Variants in VAV1 observed in about 807,000 individuals in gnomAD.
The protein encoded by VAV1 is proto-oncogene vav.
In VAV1, 33 loss-of-function variants were observed where a neutral mutation model predicts 128.1. That is an observed-to-expected ratio of 0.26 (90% CI 0.20 to 0.34). The LOEUF (loss-of-function observed/expected upper bound fraction) is 0.34. Ranked by LOEUF, VAV1 falls within the 10% of genes least tolerant of loss-of-function variation. The pLI is 1.00. For missense variants in VAV1, 715 were observed against 1,093.7 expected, an observed-to-expected ratio of 0.65 and a Z score of 4.88; for synonymous variants, 394 against 409.8, an observed-to-expected ratio of 0.96 and a Z score of 0.47.
chr19:6,825,434 T>C, intron 8 of VAV1, 28 bp downstream of exon 8: 1 of 1,587,628 alleles, frequency 6.3e-7, no homozygotes, highest in Non-Finnish European at 8.6e-7. Context: ...AGACTGAAGC[T>C]CTGGGGTCAC....
intron 9 of VAV1, among the ~76,000 whole-genome samples, chr19:6,827,767 T>TTTC (rs1971954440): frequency 6.6e-6 from 1 of 150,540 alleles, no homozygotes; most frequent in Admixed American, 6.6e-5. Context: ...CCAGCTATTT[T>TTTC]TTTTTTTTTC....
chr19:6,773,098 A>G (rs147731100), intron 1 of VAV1, 87 bp downstream of exon 1: 3 of 1,528,350 alleles, frequency 2.0e-6, no homozygotes, highest in Non-Finnish European at 2.7e-6. Flanking sequence ...GTGCTGCTCC[A>G]CCTCTGGGCC....
intron 1 of VAV1, among the ~76,000 whole-genome samples, chr19:6,815,342 G>A (rs139589881): frequency 1.1e-3 from 162 of 152,036 alleles, no homozygotes; most frequent in African/African-American, 3.1e-3. Context: ...GTGTCTCTCC[G>A]TGTTGCTCAG....
intron 26 of VAV1, 33 bp from the exon 27 acceptor site, chr19:6,857,021 G>A: frequency 1.2e-6 from 2 of 1,604,886 alleles, no homozygotes; most frequent in Non-Finnish European, 1.7e-6. Flanking sequence ...GATGTGCAGA[G>A]GTTGCACTGA....
intron 1 of VAV1, among the ~76,000 whole-genome samples, chr19:6,819,183 C>A (rs902461623): frequency 6.6e-6 from 1 of 152,162 alleles, no homozygotes; most frequent in Non-Finnish European, 1.5e-5. Context: ...TGTTTTATAT[C>A]ACAGAATGGA....
At chr19:6,814,469 C>T (rs1011614399) in intron 1 of VAV1, among the ~76,000 whole-genome samples, 3 of 151,802 alleles carry the variant, frequency 2.0e-5, no homozygotes, top group Admixed American at 6.6e-5. Flanking sequence ...GTTATTTTTG[C>T]TTATGTACTG....
intron 1 of VAV1, among the ~76,000 whole-genome samples, chr19:6,798,724 T>G (rs1049504417): frequency 1.3e-5 from 2 of 150,912 alleles, no homozygotes; most frequent in African/African-American, 4.9e-5. Flanking sequence ...TTGCCCAGAC[T>G]GGCCTTGAAC....
chr19:6,796,769 C>G (rs1208305731), intron 1 of VAV1, among the ~76,000 whole-genome samples: 1 of 152,068 alleles, frequency 6.6e-6, no homozygotes, highest in East Asian at 1.9e-4. Flanking sequence ...ATTTTTTTCT[C>G]GCTTAACACT....
At chr19:6,843,387 C>T (rs1346385391) in intron 22 of VAV1, among the ~76,000 whole-genome samples, 1 of 151,970 alleles carries the variant, frequency 6.6e-6, no homozygotes, top group Non-Finnish European at 1.5e-5. Context: ...AAAATGGTTA[C>T]AATGATGATG....
chr19:6,800,411 G>A (rs1183608969), intron 1 of VAV1, among the ~76,000 whole-genome samples: 1 of 151,468 alleles, frequency 6.6e-6, no homozygotes, highest in Non-Finnish European at 1.5e-5. Context: ...CTGGGTTCAA[G>A]CGATTCTCCT....
intron 1 of VAV1, among the ~76,000 whole-genome samples, chr19:6,792,930 G>A (rs757387335): frequency 1.2e-4 from 18 of 152,126 alleles, no homozygotes; most frequent in East Asian, 3.8e-4. Context: ...TGTCAACAGC[G>A]CTGAGACCGA....
chr19:6,821,281 G>A (rs1235171986), intron 2 of VAV1, among the ~76,000 whole-genome samples: 3 of 151,980 alleles, frequency 2.0e-5, no homozygotes, highest in Admixed American at 2.0e-4. Context: ...GGCGCCTGTA[G>A]TCCCAGCTAC....
chr19:6,796,283 C>T (rs1222083403), intron 1 of VAV1, among the ~76,000 whole-genome samples: 1 of 152,156 alleles, frequency 6.6e-6, no homozygotes, highest in Non-Finnish European at 1.5e-5. Context: ...ACTTCAAAGG[C>T]TTCAAAATCA....
intron 1 of VAV1, chr19:6,783,978 G>A: frequency 5.3e-6 from 2 of 380,000 alleles, no homozygotes; most frequent in East Asian, 7.5e-5. Context: ...CTAGGGCCAG[G>A]CATGGTGGCT....
At chr19:6,792,701 G>A (rs1191228095) in intron 1 of VAV1, among the ~76,000 whole-genome samples, 1 of 151,942 alleles carries the variant, frequency 6.6e-6, no homozygotes, top group Non-Finnish European at 1.5e-5. Flanking sequence ...GAGCTACCAT[G>A]CATGTCCGGT....
intron 1 of VAV1, among the ~76,000 whole-genome samples, chr19:6,773,961 T>C (rs1248002683): frequency 6.6e-6 from 1 of 151,666 alleles, no homozygotes; most frequent in Admixed American, 6.6e-5. Context: ...TGCCCTGAGG[T>C]CTGAGGGGAC....
At chr19:6,827,987 C>T (rs375083543) in intron 9 of VAV1, 89 bp from the exon 10 acceptor site, 31 of 1,087,108 alleles carry the variant, frequency 2.9e-5, no homozygotes, top group East Asian at 2.1e-4. Flanking sequence ...GAGCTGCTCA[C>T]GTATTTATTC....
chr19:6,840,391 C>T (rs1972343626), intron 21 of VAV1, among the ~76,000 whole-genome samples: 1 of 151,320 alleles, frequency 6.6e-6, no homozygotes, highest in African/African-American at 2.4e-5. Context: ...CTGCAAGCTC[C>T]ACTTCCCGGG....
chr19:6,821,756 C>G, intron 3 of VAV1, 35 bp from the exon 4 acceptor site: 3 of 1,613,906 alleles, frequency 1.9e-6, no homozygotes, highest in Non-Finnish European at 2.5e-6. Flanking sequence ...TACCCAGCCC[C>G]CAGGCCCCTG....
Sources: gnomAD v4.1 joint callset for allele counts (sites outside exome capture counted in the v4.1 genomes callset) on GRCh38, gnomAD v4.1.1 for gene constraint, MANE v1.5 for transcripts, NCBI Gene and HGNC (gene_info 2026-07-23, HGNC 2026-07-21) for gene names.